GALNT13: variants seen among roughly 807,000 people sequenced by gnomAD.
GALNT13 encodes the protein UDP-GalNAc:polypeptide N-acetylgalactosaminyltransferase 13.
A neutral mutation model predicts 64.2 loss-of-function variants in GALNT13; 28 were observed. That is an observed-to-expected ratio of 0.44 (90% CI 0.32 to 0.60). The LOEUF is 0.60. GALNT13 is among the 20% of genes least tolerant of loss of function. The probability of loss-of-function intolerance (pLI) is 0.05; values close to 1 mark genes in which losing one functional copy is unlikely to be tolerated. For synonymous variants in GALNT13, 214 were observed against 224.6 expected (o/e 0.95, Z 0.42); for missense variants, 577 against 669.8 (o/e 0.86, Z 1.53).
rs904763441 is a variant in GALNT13, at chr2:154,012,566, A to G, written c.142+67927A>G. 5.3e-5 allele frequency among the ~76,000 whole-genome samples: 8 copies of G among 152,242 alleles called. No individual in the cohort carries two copies. In the East Asian group the frequency reaches 1.4e-3, roughly 26 times the overall value. ...CTTGGGGATGGTTGTCTTGCATAGT[A>G]TCGTGCAGGGGTTCTCTGTATTTTT... On this transcript the variant is annotated intron_variant, in intron 3 of 12. Transcript: ENST00000392825.
chr2:153,290,552 TTAA>T, the GALNT13 span, among the ~76,000 whole-genome samples: 1 of 152,204 alleles, frequency 6.6e-6, no homozygotes, highest in Admixed American at 6.5e-5. Flanking sequence ...TGCTGTGTTA[TTAA>T]TAATAATCCA....
chr2:153,331,341 G>A, the GALNT13 span, among the ~76,000 whole-genome samples: 1 of 151,752 alleles, frequency 6.6e-6, no homozygotes, highest in Non-Finnish European at 1.5e-5. Flanking sequence ...TGTACACCTA[G>A]TAGAATTCAC....
intron 3 of GALNT13, among the ~76,000 whole-genome samples, chr2:153,996,887 T>C (rs1429853345): frequency 6.6e-6 from 1 of 152,168 alleles, no homozygotes; most frequent in East Asian, 1.9e-4. Context: ...TACGTGTGGA[T>C]ATCTAGTTTT....
In GALNT13 at chr2:154,135,691, A is replaced by G. The variant is rs189309926; in HGVS notation, c.143-4646A>G. On this transcript the variant is annotated intron_variant, in intron 3 of 12. Transcript: ENST00000392825. ...AAGAATTAACCCTGAGCCACGTGTG[A>G]TGGTGGGTTCTTGTAGTGTCAGCTA... is the stretch of plus-strand genomic sequence containing the variant. Among the ~76,000 whole-genome samples the G allele has an allele frequency of 3.3e-5, 5 of 152,278 alleles. No homozygotes were observed. In the South Asian group the frequency reaches 8.3e-4, roughly 25 times the overall value.
chr2:153,307,496 T>C, the GALNT13 span, among the ~76,000 whole-genome samples: 3 of 152,144 alleles, frequency 2.0e-5, no homozygotes, highest in African/African-American at 7.2e-5. Flanking sequence ...GATGAATATT[T>C]AAAAATATTA....
chr2:153,345,889 G>T, the GALNT13 span, among the ~76,000 whole-genome samples: 1 of 150,744 alleles, frequency 6.6e-6, no homozygotes, highest in African/African-American at 2.4e-5. Context: ...TCGACTTCCT[G>T]GGCTCAGGTG....
chr2:153,800,401 G>A, the GALNT13 span, among the ~76,000 whole-genome samples: 1 of 152,138 alleles, frequency 6.6e-6, no homozygotes, highest in African/African-American at 2.4e-5. Context: ...TTACTGATCA[G>A]GGTGGTGGCT....
chr2:154,014,295 G>A (rs1193577695), intron 3 of GALNT13, among the ~76,000 whole-genome samples: 1 of 152,094 alleles, frequency 6.6e-6, no homozygotes, highest in African/African-American at 2.4e-5. Context: ...GTTTGTGGGG[G>A]TCCTGAGGTC....
the GALNT13 span, among the ~76,000 whole-genome samples, chr2:153,212,855 G>A: frequency 6.6e-6 from 1 of 152,174 alleles, no homozygotes; most frequent in Non-Finnish European, 1.5e-5. Flanking sequence ...CATTGTAAAA[G>A]AGATAAGGCA....
the GALNT13 span, among the ~76,000 whole-genome samples, chr2:153,168,798 A>G: frequency 6.6e-6 from 1 of 152,244 alleles, no homozygotes. Context: ...GCTTTACAAC[A>G]GACAAACTTC....
the GALNT13 span, among the ~76,000 whole-genome samples, chr2:153,232,047 G>A: frequency 6.6e-6 from 1 of 152,182 alleles, no homozygotes; most frequent in Non-Finnish European, 1.5e-5. Context: ...CAATGCTCAG[G>A]AAGGATGTCA....
the GALNT13 span, among the ~76,000 whole-genome samples, chr2:153,340,941 T>A: frequency 6.6e-6 from 1 of 152,188 alleles, no homozygotes; most frequent in African/African-American, 2.4e-5. Flanking sequence ...TATGACTAGT[T>A]AGAAATGCAA....
At chr2:153,506,027 C>T in the GALNT13 span, among the ~76,000 whole-genome samples, 1 of 152,030 alleles carries the variant, frequency 6.6e-6, no homozygotes, top group Non-Finnish European at 1.5e-5. Context: ...TTTTGGAGCT[C>T]CAGTTTTAGG....
the GALNT13 span, among the ~76,000 whole-genome samples, chr2:153,203,378 A>G: frequency 6.6e-6 from 1 of 152,228 alleles, no homozygotes; most frequent in Non-Finnish European, 1.5e-5. Context: ...CATTGAAAAT[A>G]GATATAAAAA....
chr2:154,165,930 T>G (rs1684997617), intron 4 of GALNT13, among the ~76,000 whole-genome samples: 1 of 152,202 alleles, frequency 6.6e-6, no homozygotes. Context: ...CAGAGTCACT[T>G]TTTGCTTGAC....
chr2:154,132,397 T>TA (rs1408471398), intron 3 of GALNT13, among the ~76,000 whole-genome samples: 3 of 152,198 alleles, frequency 2.0e-5, no homozygotes, highest in African/African-American at 7.2e-5. Flanking sequence ...CCTTTTTTTT[T>TA]ACTTAGTATA....
the GALNT13 span, among the ~76,000 whole-genome samples, chr2:153,071,300 CAAAT>C: frequency 1.3e-5 from 2 of 152,124 alleles, no homozygotes; most frequent in African/African-American, 4.8e-5. Context: ...TTGGCAGAAG[CAAAT>C]AATAATATAA....
intron 12 of GALNT13, among the ~76,000 whole-genome samples, chr2:154,439,034 T>C (rs146627618): frequency 5.9e-5 from 9 of 152,250 alleles, no homozygotes; most frequent in African/African-American, 2.2e-4. Context: ...GAGAGGTTTG[T>C]ATGAAGATGT....
At chr2:153,567,310 C>T in the GALNT13 span, among the ~76,000 whole-genome samples, 1 of 152,182 alleles carries the variant, frequency 6.6e-6, no homozygotes, top group Admixed American at 6.6e-5. Context: ...AGTTGGAATG[C>T]TCTTCAGAAA....
Sources: allele counts gnomAD v4.1 joint callset (sites outside exome capture counted in the v4.1 genomes callset), GRCh38; gene constraint gnomAD v4.1.1; transcripts MANE v1.5; gene names NCBI Gene and HGNC (gene_info 2026-07-23, HGNC 2026-07-21).